Variants in RANBP2 observed in about 807,000 individuals in gnomAD.
The protein encoded by RANBP2 is RAN binding protein 2, also known as E3 SUMO-protein ligase RanBP2.
RANBP2 carries 57 observed loss-of-function variants against 303.6 expected under a neutral mutation model. The observed-to-expected ratio is 0.19, with a 90% CI of 0.15 to 0.23. The LOEUF is 0.23. Ranked by LOEUF, RANBP2 falls within the 10% of genes least tolerant of loss-of-function variation. RANBP2 has a pLI of 1.00. For synonymous variants in RANBP2, 1,167 were observed against 1,301.5 expected (o/e 0.90, Z 2.23); for missense variants, 3,138 against 3,780.8 (o/e 0.83, Z 4.46).
In RANBP2 at chr2:108,753,755, C is replaced by T. The variant is rs958017749; in HGVS notation, c.2056-70C>T. ...AGCTGGGATTACAGGCATGAGCCACCATGCGTGGCCAAGCTAAAAGTTTTT... is the reference window on the plus strand; with the variant it reads ...AGCTGGGATTACAGGCATGAGCCACTATGCGTGGCCAAGCTAAAAGTTTTT... On this transcript the variant is annotated intron_variant, in intron 14 of 28. Coordinates refer to ENST00000283195, the MANE Select transcript of RANBP2 (RefSeq NM_006267.5). The T allele has an allele frequency of 2.9e-5, 46 of 1,610,690 alleles. No homozygotes were observed. In the African/African-American group the frequency reaches 5.4e-4, roughly 19 times the overall value.
At chr2:109,123,467 C>G in the RANBP2 span, among the ~76,000 whole-genome samples, 5 of 151,354 alleles carry the variant, frequency 3.3e-5, no homozygotes, top group African/African-American at 1.2e-4. Context: ...TGGATGAAAG[C>G]ATTTGCTCCT....
At chr2:109,732,884 G>A in the RANBP2 span, 1 of 1,034,704 alleles carries the variant, frequency 9.7e-7, no homozygotes, top group Non-Finnish European at 1.5e-6. Context: ...AGCAGGTGTG[G>A]TCTGAGAACT....
chr2:109,399,161 G>C, the RANBP2 span, among the ~76,000 whole-genome samples: 2 of 152,096 alleles, frequency 1.3e-5, no homozygotes, highest in African/African-American at 2.4e-5. Flanking sequence ...AGATGGCCTC[G>C]TGGTGTGTGA....
chr2:108,730,485 A>G (rs1695079365), intron 2 of RANBP2, among the ~76,000 whole-genome samples: 1 of 152,184 alleles, frequency 6.6e-6, no homozygotes, highest in Non-Finnish European at 1.5e-5. Context: ...GTGATCAGGA[A>G]GAAAAAGCAA....
the RANBP2 span, among the ~76,000 whole-genome samples, chr2:108,917,617 G>A: frequency 3.0e-3 from 462 of 152,178 alleles, 6 homozygotes; most frequent in African/African-American, 8.2e-3. Flanking sequence ...CTCTGCCCCC[G>A]GGCAAGACAG....
the RANBP2 span, among the ~76,000 whole-genome samples, chr2:109,495,770 CGTGAG>C: frequency 2.0e-5 from 3 of 152,082 alleles, no homozygotes; most frequent in Non-Finnish European, 4.4e-5. Context: ...GGGCGTGAGG[CGTGAG>C]CCACTGCACC....
the RANBP2 span, among the ~76,000 whole-genome samples, chr2:108,958,157 G>A: frequency 3.9e-5 from 6 of 151,970 alleles, no homozygotes; most frequent in East Asian, 1.9e-4. Flanking sequence ...AAAGAAAGGC[G>A]GGAGAGAAAA....
At chr2:109,673,735 T>C in the RANBP2 span, among the ~76,000 whole-genome samples, 26 of 151,326 alleles carry the variant, frequency 1.7e-4, no homozygotes, top group Admixed American at 5.3e-4. Context: ...AAGGTGGTGG[T>C]TGGAAGAAGG....
At chr2:109,158,540 A>G in the RANBP2 span, among the ~76,000 whole-genome samples, 1 of 152,192 alleles carries the variant, frequency 6.6e-6, no homozygotes, top group Non-Finnish European at 1.5e-5. Flanking sequence ...TGTCATGTCC[A>G]GAGGCGCTCA....
the RANBP2 span, among the ~76,000 whole-genome samples, chr2:109,363,719 T>C: frequency 6.6e-6 from 1 of 152,196 alleles, no homozygotes; most frequent in Admixed American, 6.5e-5. Flanking sequence ...TTTTGAAGGA[T>C]AATTTCACAG....
At chr2:109,511,552 G>A in the RANBP2 span, among the ~76,000 whole-genome samples, 1 of 152,180 alleles carries the variant, frequency 6.6e-6, no homozygotes, top group African/African-American at 2.4e-5. Context: ...AATCAGCTAA[G>A]GCCAACCACT....
the RANBP2 span, among the ~76,000 whole-genome samples, chr2:108,822,056 T>C: frequency 6.6e-6 from 1 of 152,052 alleles, no homozygotes; most frequent in African/African-American, 2.4e-5. Context: ...GTATGCTGTC[T>C]ACAAGGGACT....
chr2:109,495,477 CTTTTTTTTTTTTTTTTTTT>C, the RANBP2 span, among the ~76,000 whole-genome samples: 25,843 of 95,892 alleles, frequency 0.27, 3,378 homozygotes, highest in East Asian at 0.58. Context: ...TCTTTCATTC[CTTTTTTTTTTTTTTTTTTT>C]TTTTTTTTTT....
the RANBP2 span, among the ~76,000 whole-genome samples, chr2:109,466,072 CTTTTTTTTTTTTTTT>C: frequency 3.6e-5 from 3 of 82,386 alleles, no homozygotes; most frequent in South Asian, 5.6e-4. Flanking sequence ...ACCTGTACAT[CTTTTTTTTTTTTTTT>C]TTTTTTTTTT....
At chr2:108,923,423 G>A in the RANBP2 span, 11 of 1,614,208 alleles carry the variant, frequency 6.8e-6, no homozygotes, top group South Asian at 1.2e-4. Context: ...TGCCATAGAT[G>A]TTCCTCGGTC....
the RANBP2 span, among the ~76,000 whole-genome samples, chr2:109,415,160 C>T: frequency 6.6e-6 from 1 of 152,118 alleles, no homozygotes; most frequent in Non-Finnish European, 1.5e-5. Context: ...TTGGAGTCTC[C>T]TCCAGACTCC....
chr2:108,940,582 C>A, the RANBP2 span, among the ~76,000 whole-genome samples: 1 of 152,250 alleles, frequency 6.6e-6, no homozygotes, highest in Non-Finnish European at 1.5e-5. Context: ...AGGCTCTCTG[C>A]TCCTCCTCTG....
chr2:109,115,892 C>T, the RANBP2 span, among the ~76,000 whole-genome samples: 1 of 152,186 alleles, frequency 6.6e-6, no homozygotes, highest in Non-Finnish European at 1.5e-5. Flanking sequence ...ATTTATGAAG[C>T]TTAGTTTGGC....
chr2:109,440,381 G>C, the RANBP2 span, among the ~76,000 whole-genome samples: 1 of 152,224 alleles, frequency 6.6e-6, no homozygotes, highest in Non-Finnish European at 1.5e-5. Flanking sequence ...CCGCAGTGAA[G>C]CCGAAAAGCT....
Sources: gnomAD v4.1 joint callset for allele counts (sites outside exome capture counted in the v4.1 genomes callset) on GRCh38, gnomAD v4.1.1 for gene constraint, MANE v1.5 for transcripts, NCBI Gene and HGNC (gene_info 2026-07-23, HGNC 2026-07-21) for gene names.